VIL1: variants seen among roughly 807,000 people sequenced by gnomAD.
VIL1 encodes villin-1.
A neutral mutation model predicts 104.0 loss-of-function variants in VIL1; 86 were observed. That is an observed-to-expected ratio of 0.83 (90% confidence interval 0.69 to 0.99). The LOEUF is 0.99. Ranked by LOEUF, VIL1 falls within the 50% of genes least tolerant of loss-of-function variation. The pLI, the probability that VIL1 is intolerant of heterozygous loss-of-function variation, is 0.00. For synonymous variants in VIL1, 394 were observed against 412.6 expected (o/e 0.95, Z 0.55); for missense variants, 944 against 1,054.1 (o/e 0.90, Z 1.45).
rs759678594 is a variant in VIL1 at position 218,431,944 on chromosome 2, G to A, written c.1190G>A (p.Ser397Asn). The change falls in exon 11 of 20, where the codon AGT becomes AAT. Residue 397 changes from serine to asparagine, a missense_variant. Ser to Asn is a conservative substitution (Grantham distance 46, BLOSUM62 1). Transcript: ENST00000248444. The part of the protein sequence containing the change: ...AAQQKMVDDG[S>N]GEVQVWRIEN... Reference sequence around the variant, plus strand: ...CAGCAGAAGATGGTAGATGATGGGAGTGGGGAAGTGCAGGTATGTGAGGGC... The same window carrying A: ...CAGCAGAAGATGGTAGATGATGGGAATGGGGAAGTGCAGGTATGTGAGGGC... 2 of 1,614,034 alleles carry A rather than the reference G, an allele frequency of 1.2e-6. No homozygotes were observed. The highest frequency in any genetic ancestry group is 1.7e-6 in the Non-Finnish European group (2 of 1,180,012).
intron 13 of VIL1, among the ~76,000 whole-genome samples, chr2:218,433,903 A>C (rs1211374917): frequency 7.0e-6 from 1 of 142,026 alleles, no homozygotes; most frequent in African/African-American, 2.8e-5. Flanking sequence ...GTCTCAAGGA[A>C]AAAAAAAAAA....
At chr2:218,427,937 C>T (rs1301356606) in intron 4 of VIL1, 28 bp from the exon 5 acceptor site, 1 of 1,608,978 alleles carries the variant, frequency 6.2e-7, no homozygotes, top group African/African-American at 1.3e-5. Flanking sequence ...CAGCCCACTT[C>T]CTTGGGTCAG....
Position 218,432,070 on chromosome 2 carries a change from C to T in VIL1, c.1228C>T (p.Leu410=). Residue 410 remains leucine, a synonymous_variant, in exon 12 of 20, where the codon CTG becomes TTG. Transcript: ENST00000248444. ...VQVWRIENLE[L]VPVDSKWLGH... ...GGTGTGGCGCATTGAGAACCTAGAG[C>T]TGGTACCTGTGGATTCCAAGTGGCT... The T allele has an allele frequency of 6.2e-7, 1 of 1,614,144 alleles. No individual in the cohort carries two copies. The highest frequency in any genetic ancestry group is 8.5e-7 in the Non-Finnish European group (1 of 1,180,020).
At chr2:218,446,364 A>G (rs551295583) in intron 19 of VIL1, among the ~76,000 whole-genome samples, 3 of 152,256 alleles carry the variant, frequency 2.0e-5, no homozygotes, top group Non-Finnish European at 2.9e-5. Flanking sequence ...GCTCCCGAGT[A>G]GCTGAGAATA....
At chr2:218,420,838 G>T (rs1169704808) in intron 1 of VIL1, among the ~76,000 whole-genome samples, 5 of 152,120 alleles carry the variant, frequency 3.3e-5, no homozygotes, top group Non-Finnish European at 5.9e-5. Flanking sequence ...GCCTGCCTCG[G>T]CCTCCCAAAG....
chr2:218,425,836 G>A, intron 4 of VIL1, 25 bp downstream of exon 4: 5 of 1,585,556 alleles, frequency 3.2e-6, no homozygotes, highest in Non-Finnish European at 8.6e-7. Flanking sequence ...CTGCAGGCCG[G>A]GGGAATGAGG....
chr2:218,433,252 A>G (rs1022828096), intron 13 of VIL1, among the ~76,000 whole-genome samples: 7 of 151,604 alleles, frequency 4.6e-5, no homozygotes, highest in African/African-American at 1.5e-4. Context: ...CTTGACCAAC[A>G]TGGTGAAACC....
At chr2:218,429,217 G>T (rs1044404015) in intron 6 of VIL1, 68 bp from the exon 7 acceptor site, 4 of 1,546,414 alleles carry the variant, frequency 2.6e-6, no homozygotes, top group Non-Finnish European at 2.6e-6. Flanking sequence ...GCCTGGCAGG[G>T]TGTAGGGTGG....
rs1360226890 is a variant in VIL1 at position 218,434,660 on chromosome 2, C to T, written c.1635C>T (p.Val545=). The change falls in exon 14 of 20, where the codon GTC becomes GTT. Residue 545 remains valine (V), a synonymous_variant. Transcript: ENST00000248444. The part of the protein sequence containing the change: ...ARANFLNSND[V]FVLKTQSCCY... ...CCAATTTCCTCAATTCCAATGATGT[C>T]TTTGTCCTCAAGACCCAGTCTTGCT... is the stretch of plus-strand genomic sequence containing the variant. The T allele has an allele frequency of 2.5e-6, 4 of 1,614,156 alleles. No homozygotes were observed. The highest frequency in any genetic ancestry group is 3.4e-6 in the Non-Finnish European group (4 of 1,180,004).
chr2:218,448,054 G>A (rs1689394374), intron 19 of VIL1, among the ~76,000 whole-genome samples: 1 of 152,136 alleles, frequency 6.6e-6, no homozygotes, highest in Non-Finnish European at 1.5e-5. Flanking sequence ...GAGCTCAGGG[G>A]TTCCAGACCT....
intron 12 of VIL1, chr2:218,432,508 T>C (rs1559147817): frequency 7.2e-6 from 5 of 694,270 alleles, no homozygotes; most frequent in South Asian, 6.0e-5. Flanking sequence ...GATGTCTCCC[T>C]GAAGAAGGAG....
intron 19 of VIL1, 27 bp from the exon 20 acceptor site, chr2:218,449,196 T>C: frequency 6.4e-7 from 1 of 1,559,990 alleles, no homozygotes. Context: ...ATGTGACCTT[T>C]GCCCTCTGGT....
rs1689519808 is a variant in VIL1 at position 218,452,739 on chromosome 2, G to A, written c.*3403G>A. 6.6e-6 allele frequency: 1 copy of A among 152,164 alleles called. No homozygotes were observed. Among genetic ancestry groups the A allele is most frequent in the African/African-American group, 2.4e-5 (1 of 41,426 alleles). The allele number at this position is 152,164 out of a possible 1,614,324, so 9.4% of individuals were successfully genotyped here. A position where few individuals can be genotyped will look rare whatever the true frequency, so the allele number is the denominator to read the frequency against. On this transcript the variant is annotated 3_prime_UTR_variant, in exon 20 of 20. Transcript: ENST00000248444. ...GCTTCATGAGGCAATCTAGACTTAT[G>A]GCATTATTTCTACTTTTCTCCATGT...
rs1340800613 is a variant in VIL1 at position 218,429,670 on chromosome 2, C to G, written c.844C>G (p.His282Asp). 3 of 1,614,036 alleles carry G rather than the reference C, an allele frequency of 1.9e-6. No individual in the cohort carries two copies. The highest frequency in any genetic ancestry group is 2.5e-6 in the Non-Finnish European group (3 of 1,180,012). Residue 282 changes from histidine to aspartate, a missense_variant, in exon 8 of 20, where the codon CAC (histidine) becomes GAC (aspartate). His to Asp is a moderately conservative substitution (Grantham distance 81). Coordinates refer to ENST00000248444, the MANE Select transcript of VIL1 (RefSeq NM_007127.3). ...TRPLTQDLLS[H>D]EDCYILDQGG... ...GCCACTGACACAGGACCTGCTCAGT[C>G]ACGAGGTAAGAGGGTCTGGAGACCC...
chr2:218,423,873 T>C lies in VIL1; in HGVS notation c.75+20T>C, dbSNP rs369859413. ...ATCGAGGTGAGGCCCTGTCTGGGCA[T>C]GGGGGCTGCTCAGGCCTGGGGTGGA... On this transcript the variant is annotated intron_variant, in intron 2 of 19. Coordinates refer to ENST00000248444, the MANE Select transcript of VIL1 (RefSeq NM_007127.3). 264 of 1,613,768 alleles carry C rather than the reference T, an allele frequency of 1.6e-4. No homozygotes were observed. The highest frequency in any genetic ancestry group is 2.2e-4 in the Non-Finnish European group (259 of 1,179,802).
chr2:218,424,884 T>C (rs1331989796), intron 3 of VIL1, among the ~76,000 whole-genome samples: 1 of 152,174 alleles, frequency 6.6e-6, no homozygotes, highest in Non-Finnish European at 1.5e-5. Context: ...GGTTTCGAAC[T>C]CTTGACCTCA....
chr2:218,447,991 G>A (rs1195220225), intron 19 of VIL1, among the ~76,000 whole-genome samples: 1 of 152,204 alleles, frequency 6.6e-6, no homozygotes, highest in Non-Finnish European at 1.5e-5. Flanking sequence ...TGGGGGTGGT[G>A]GCTCATGCTT....
intron 13 of VIL1, among the ~76,000 whole-genome samples, chr2:218,433,500 G>T (rs149478969): frequency 6.6e-6 from 1 of 152,136 alleles, no homozygotes; most frequent in Non-Finnish European, 1.5e-5. Flanking sequence ...CACTTTGAGA[G>T]GCTGAGGTGG....
Position 218,440,728 on chromosome 2 carries a change from A to G in VIL1, c.2236A>G (p.Thr746Ala). 1 of 1,613,962 alleles carries G rather than the reference A, an allele frequency of 6.2e-7. No individual in the cohort carries two copies. The highest frequency in any genetic ancestry group is 8.5e-7 in the Non-Finnish European group (1 of 1,179,864). ...GTTTCCTTTTCTTTCCTAGGAGGTCACAAGCCCCAAAGTGGACGTGTTCAA... is the reference window on the plus strand; with the variant it reads ...GTTTCCTTTTCTTTCCTAGGAGGTCGCAAGCCCCAAAGTGGACGTGTTCAA... ...RDWSQITAEV[T>A]SPKVDVFNAN... Residue 746 changes from threonine to alanine, a missense_variant, in exon 19 of 20, where the codon ACA (threonine) becomes GCA (alanine). Coordinates refer to ENST00000248444, the MANE Select transcript of VIL1 (RefSeq NM_007127.3).
Sources: allele counts gnomAD v4.1 joint callset (sites outside exome capture counted in the v4.1 genomes callset), GRCh38; gene constraint gnomAD v4.1.1; transcripts MANE v1.5; gene names NCBI Gene and HGNC (gene_info 2026-07-23, HGNC 2026-07-21).